PLSCR4: variants seen among roughly 807,000 people sequenced by gnomAD.
PLSCR4 encodes the protein phospholipid scramblase 4.
Under a neutral mutation model 36.3 loss-of-function variants are expected in PLSCR4, and 25 were observed. That is an observed-to-expected ratio of 0.69 (90% confidence interval 0.50 to 0.96). The LOEUF is 0.96. Among genes scored for constraint, PLSCR4 ranks in the 40% least tolerant of loss-of-function variants. The probability of loss-of-function intolerance (pLI) is 0.00; values close to 1 mark genes in which losing one functional copy is unlikely to be tolerated. For synonymous variants in PLSCR4, 122 were observed against 132.9 expected (o/e 0.92, Z 0.56); for missense variants, 408 against 414.7 (o/e 0.98, Z 0.14).
rs185393201 is a variant in PLSCR4, at chr3:146,199,500, C to T, written c.624+313G>A. Among the ~76,000 whole-genome samples, 43 of 152,044 alleles carry T rather than the reference C, an allele frequency of 2.8e-4. 1 individual carries two copies. The highest frequency in any genetic ancestry group is 2.6e-4 in the Admixed American group (4 of 15,254). On this transcript the variant is annotated intron_variant, in intron 6 of 8. Transcript: ENST00000354952. ...GCATTGCTTTATCTAGTGATAGGTA[C>T]GTACATTTAGATAAATGTGGTAGGT...
At chr3:146,235,866 C>A (rs1003732726) in intron 1 of PLSCR4, among the ~76,000 whole-genome samples, 1 of 152,158 alleles carries the variant, frequency 6.6e-6, no homozygotes, top group African/African-American at 2.4e-5. Context: ...ATTGGCTGCA[C>A]TGTGCCCCTG....
At chr3:146,224,413 G>T (rs9870686) in intron 1 of PLSCR4, among the ~76,000 whole-genome samples, 1 of 151,910 alleles carries the variant, frequency 6.6e-6, no homozygotes, top group Non-Finnish European at 1.5e-5. Flanking sequence ...TGGTCTCACT[G>T]ACTTCAAGAA....
chr3:146,200,022 T>C lies in PLSCR4; in HGVS notation c.415A>G (p.Thr139Ala), dbSNP rs1192777888. 1.9e-6 allele frequency: 3 copies of C among 1,579,308 alleles called. No individual in the cohort carries two copies. Among genetic ancestry groups the C allele is most frequent in the Middle Eastern group, 1.7e-4 (1 of 6,000 alleles). Residue 139 changes from threonine (T) to alanine (A), a missense_variant, in exon 6 of 9, where the codon ACT becomes GCT. Thr to Ala is a moderately conservative substitution (Grantham distance 58). Transcript: ENST00000354952. Reference protein sequence around the residue: ...EPLEMMTCFETNNRYDIKNNS... With the variant: ...EPLEMMTCFEANNRYDIKNNS... ...TTTTTAATATCATATCTATTATTAG[T>C]TTCAAAACATGTCATCACTAAAAAA...
intron 1 of PLSCR4, 55 bp downstream of exon 1, chr3:146,250,905 C>T (rs4577430): frequency 0.022 from 3,286 of 152,768 alleles, 90 homozygotes; most frequent in African/African-American, 0.074. Flanking sequence ...CCCCGCAGCC[C>T]GGGCGCCCGC....
intron 1 of PLSCR4, among the ~76,000 whole-genome samples, chr3:146,225,942 C>T (rs909568012): frequency 2.0e-5 from 3 of 152,176 alleles, no homozygotes; most frequent in Non-Finnish European, 4.4e-5. Context: ...GAGGAGGTGC[C>T]GAGAGCGAGG....
intron 1 of PLSCR4, among the ~76,000 whole-genome samples, chr3:146,237,143 C>T (rs1411766357): frequency 6.6e-6 from 1 of 152,136 alleles, no homozygotes; most frequent in Admixed American, 6.5e-5. Flanking sequence ...AAGAGGTGTA[C>T]TTTGTGTTAA....
At chr3:146,198,531 G>A (rs11925650) in intron 6 of PLSCR4, among the ~76,000 whole-genome samples, 8 of 151,748 alleles carry the variant, frequency 5.3e-5, no homozygotes, top group African/African-American at 1.9e-4. Context: ...CACCCAAGTA[G>A]CTGGGACCAC....
chr3:146,218,445 C>T (rs879388669), intron 3 of PLSCR4, among the ~76,000 whole-genome samples: 1 of 151,090 alleles, frequency 6.6e-6, no homozygotes, highest in Non-Finnish European at 1.5e-5. Flanking sequence ...AAAAAAATTG[C>T]CATTTAGATT....
chr3:146,229,962 G>C (rs921805577), intron 1 of PLSCR4, among the ~76,000 whole-genome samples: 7 of 152,092 alleles, frequency 4.6e-5, no homozygotes, highest in Non-Finnish European at 7.3e-5. Flanking sequence ...ATTGTAAGTA[G>C]AGCACTTTCT....
Position 146,193,016 on chromosome 3 carries a change from A to G in PLSCR4, c.*1395T>C, listed in dbSNP as rs955391318. ...CTTTCTTTATTTAATAAGCAGCAGC[A>G]GAAGAATACATCCCATTCTACATAC... On this transcript the variant is annotated 3_prime_UTR_variant, in exon 9 of 9. Transcript: ENST00000354952. 3 of 151,124 alleles carry G rather than the reference A, an allele frequency of 2.0e-5. No homozygotes were observed. The highest frequency in any genetic ancestry group is 4.4e-5 in the Non-Finnish European group (3 of 67,902). The allele number at this position is 151,124 out of a possible 1,614,324, so 9.4% of individuals were successfully genotyped here. A position where few individuals can be genotyped will look rare whatever the true frequency, so the allele number is the denominator to read the frequency against.
intron 8 of PLSCR4, 36 bp downstream of exon 8, chr3:146,195,088 A>G (rs376767677): frequency 3.1e-6 from 5 of 1,596,022 alleles, no homozygotes; most frequent in Non-Finnish European, 4.3e-6. Context: ...CAGAAAGAAC[A>G]ACTCTCTCAG....
At position 146,196,905 on chromosome 3, in the gene PLSCR4, T is replaced by C. The variant is rs968397282; in HGVS notation, c.625-112A>G. ...CTCACTCATTCAAAGACTAGGGAAA[T>C]TATTGTTGGGAGTGACAGCCTTCCA... On this transcript the variant is annotated intron_variant, in intron 6 of 8. Coordinates refer to ENST00000354952, the MANE Select transcript of PLSCR4 (RefSeq NM_020353.3). 6 of 930,472 alleles carry C rather than the reference T, an allele frequency of 6.4e-6. No individual in the cohort carries two copies. The African/African-American group carries it at 9.9e-5, about 15-fold the overall frequency. 57.6% of individuals were successfully genotyped at this position (930,472 alleles called of 1,614,324 possible).
chr3:146,201,149 T>A (rs572488688), intron 4 of PLSCR4, 72 bp from the exon 5 acceptor site: 1 of 911,110 alleles, frequency 1.1e-6, no homozygotes, highest in African/African-American at 1.7e-5. Flanking sequence ...AATAAACTGA[T>A]GAAATAGATA....
intron 7 of PLSCR4, among the ~76,000 whole-genome samples, chr3:146,195,991 C>T (rs1478620171): frequency 6.6e-6 from 1 of 152,054 alleles, no homozygotes; most frequent in Non-Finnish European, 1.5e-5. Flanking sequence ...AATTGCAAGG[C>T]ATTCAAAAAA....
At chr3:146,205,966 T>C (rs1247861474) in intron 4 of PLSCR4, among the ~76,000 whole-genome samples, 4 of 152,086 alleles carry the variant, frequency 2.6e-5, no homozygotes, top group Admixed American at 1.3e-4. Context: ...AATATCTACA[T>C]AGATGTTAAT....
intron 3 of PLSCR4, among the ~76,000 whole-genome samples, chr3:146,209,365 A>G (rs1434652666): frequency 1.3e-5 from 2 of 152,040 alleles, no homozygotes; most frequent in South Asian, 2.1e-4. Context: ...TATCACCACT[A>G]AAGAACTTAC....
intron 4 of PLSCR4, among the ~76,000 whole-genome samples, chr3:146,206,302 T>A (rs2034324800): frequency 6.6e-6 from 1 of 152,134 alleles, no homozygotes; most frequent in Non-Finnish European, 1.5e-5. Flanking sequence ...AAGTTCAACA[T>A]AAATCCTTAT....
intron 3 of PLSCR4, among the ~76,000 whole-genome samples, chr3:146,210,576 A>G (rs930223233): frequency 6.6e-6 from 1 of 152,070 alleles, no homozygotes; most frequent in Non-Finnish European, 1.5e-5. Context: ...CAGGATCTCT[A>G]TGGCAAAACT....
At chr3:146,219,105 C>T (rs751202440) in intron 3 of PLSCR4, among the ~76,000 whole-genome samples, 3 of 152,216 alleles carry the variant, frequency 2.0e-5, no homozygotes, top group East Asian at 3.9e-4. Context: ...GCGATCAGAG[C>T]GAAATTTTGC....
Sources: gnomAD v4.1 joint callset for allele counts (sites outside exome capture counted in the v4.1 genomes callset) on GRCh38, gnomAD v4.1.1 for gene constraint, MANE v1.5 for transcripts, NCBI Gene and HGNC (gene_info 2026-07-23, HGNC 2026-07-21) for gene names.